Variants in PDE1A observed in about 807,000 individuals in gnomAD.
PDE1A encodes the protein phosphodiesterase 1A.
In PDE1A, 35 loss-of-function variants were observed where a neutral mutation model predicts 61.7. That is an observed-to-expected ratio of 0.57 (90% CI 0.43 to 0.75). The LOEUF (loss-of-function observed/expected upper bound fraction) is 0.75, where lower values mean the gene tolerates loss of function less well. PDE1A is among the 30% of genes least tolerant of loss of function. The pLI, the probability that PDE1A is intolerant of heterozygous loss-of-function variation, is 0.00. For synonymous variants in PDE1A, 232 were observed against 213.2 expected (o/e 1.09, Z -0.77); for missense variants, 597 against 630.6 (o/e 0.95, Z 0.57).
intron 3 of PDE1A, among the ~76,000 whole-genome samples, chr2:182,236,352 T>G (rs1372501421): frequency 6.6e-6 from 1 of 152,044 alleles, no homozygotes; most frequent in East Asian, 1.9e-4. Context: ...AGGTGTTTTT[T>G]TTTTTTGGAA....
chr2:182,559,243 G>A, the PDE1A span, among the ~76,000 whole-genome samples: 2 of 152,178 alleles, frequency 1.3e-5, no homozygotes, highest in African/African-American at 4.8e-5. Flanking sequence ...AGTAAAGGCT[G>A]CAGATCTGGA....
chr2:182,351,863 C>A (rs1698900136), intron 1 of PDE1A, among the ~76,000 whole-genome samples: 1 of 152,082 alleles, frequency 6.6e-6, no homozygotes, highest in Non-Finnish European at 1.5e-5. Flanking sequence ...AGTTCTAGAG[C>A]ATTATCTGGA....
the PDE1A span, among the ~76,000 whole-genome samples, chr2:182,600,560 A>G: frequency 1.3e-5 from 2 of 152,240 alleles, no homozygotes; most frequent in Admixed American, 1.3e-4. Flanking sequence ...TTTAGATGAC[A>G]AAGAAGAGTT....
At chr2:182,520,108 A>G (rs978680643) in intron 2 of PDE1A, among the ~76,000 whole-genome samples, 17 of 151,952 alleles carry the variant, frequency 1.1e-4, no homozygotes, top group African/African-American at 3.6e-4. Flanking sequence ...TGTTTGAATC[A>G]ATATTGCATT....
intron 13 of PDE1A, among the ~76,000 whole-genome samples, chr2:182,172,508 C>T (rs1433766843): frequency 6.6e-6 from 1 of 151,980 alleles, no homozygotes; most frequent in Non-Finnish European, 1.5e-5. Flanking sequence ...GATGCACACA[C>T]CCAAAGCAGA....
chr2:182,211,645 C>T (rs568760931), intron 7 of PDE1A, among the ~76,000 whole-genome samples: 7 of 152,150 alleles, frequency 4.6e-5, no homozygotes, highest in Non-Finnish European at 8.8e-5. Context: ...TATCTATGAA[C>T]ATGAAATATC....
the PDE1A span, among the ~76,000 whole-genome samples, chr2:182,635,934 C>T: frequency 6.8e-6 from 1 of 146,632 alleles, no homozygotes; most frequent in African/African-American, 2.5e-5. Context: ...AGCTTCTGCT[C>T]GATCTCACCG....
intron 1 of PDE1A, among the ~76,000 whole-genome samples, chr2:182,374,490 C>T (rs932875908): frequency 6.6e-6 from 1 of 152,112 alleles, no homozygotes; most frequent in African/African-American, 2.4e-5. Flanking sequence ...CACAATTAAA[C>T]TTCTGCTATT....
At chr2:182,383,202 C>T (rs759102941) in intron 1 of PDE1A, among the ~76,000 whole-genome samples, 4 of 152,146 alleles carry the variant, frequency 2.6e-5, no homozygotes, top group Non-Finnish European at 5.9e-5. Context: ...ATCCAATTTC[C>T]ACCCATACTT....
rs938550810 is a variant in PDE1A at position 182,401,909 on chromosome 2, G to T, written c.53+24669C>A. Among the ~76,000 whole-genome samples the T allele has an allele frequency of 2.0e-5, 3 of 152,130 alleles. No individual in the cohort carries two copies. In the South Asian group the frequency reaches 6.2e-4, roughly 31 times the overall value. ...ACAAACAGAGAGCCAAATCATGAGT[G>T]AACTGCCATTCACAATTACTACAAA... On this transcript the variant is annotated intron_variant, in intron 1 of 13. Coordinates refer to ENST00000351439, the Ensembl canonical transcript of PDE1A.
chr2:182,443,996 C>T (rs1684968845), intron 2 of PDE1A, among the ~76,000 whole-genome samples: 1 of 152,100 alleles, frequency 6.6e-6, no homozygotes, highest in Non-Finnish European at 1.5e-5. Flanking sequence ...AGCCACCGCG[C>T]CCGGCCAAAC....
intron 1 of PDE1A, among the ~76,000 whole-genome samples, chr2:182,399,042 A>G (rs1295223133): frequency 6.6e-6 from 1 of 152,000 alleles, no homozygotes; most frequent in African/African-American, 2.4e-5. Context: ...GATGACCGTC[A>G]AGGATGAAGT....
At chr2:182,562,267 G>A in the PDE1A span, among the ~76,000 whole-genome samples, 7 of 151,948 alleles carry the variant, frequency 4.6e-5, no homozygotes, top group Middle Eastern at 0.014. Context: ...AGCATGAAGG[G>A]TTGTTGAATT....
At chr2:182,576,756 C>T in the PDE1A span, among the ~76,000 whole-genome samples, 10 of 152,094 alleles carry the variant, frequency 6.6e-5, no homozygotes, top group African/African-American at 2.4e-4. Context: ...TTTATAGTAG[C>T]CATCCCAATT....
chr2:182,702,451 G>C, the PDE1A span, among the ~76,000 whole-genome samples: 1 of 152,154 alleles, frequency 6.6e-6, no homozygotes, highest in Non-Finnish European at 1.5e-5. Context: ...GCAGCGTGCT[G>C]CTTTTGGTGA....
the PDE1A span, among the ~76,000 whole-genome samples, chr2:182,705,513 T>TG: frequency 4.0e-5 from 6 of 151,150 alleles, no homozygotes; most frequent in East Asian, 1.9e-4. Context: ...TCTTTTTTTT[T>TG]TTTGTTTTGG....
At chr2:182,265,287 AAAG>A (rs755062776) in intron 1 of PDE1A, among the ~76,000 whole-genome samples, 14 of 152,160 alleles carry the variant, frequency 9.2e-5, no homozygotes, top group African/African-American at 2.2e-4. Context: ...AATAAAATTA[AAAG>A]AAGACTTCAT....
intron 1 of PDE1A, among the ~76,000 whole-genome samples, chr2:182,268,234 A>C (rs1196173252): frequency 6.6e-6 from 1 of 152,054 alleles, no homozygotes; most frequent in Non-Finnish European, 1.5e-5. Flanking sequence ...GTTTGGTAGC[A>C]AACCAAGTTA....
chr2:182,366,578 G>A (rs1699849667), intron 1 of PDE1A, among the ~76,000 whole-genome samples: 1 of 151,818 alleles, frequency 6.6e-6, no homozygotes. Flanking sequence ...AATTTTGAAA[G>A]TACTATGACT....
Sources: allele counts gnomAD v4.1 joint callset (sites outside exome capture counted in the v4.1 genomes callset), GRCh38; gene constraint gnomAD v4.1.1; transcripts MANE v1.5; gene names NCBI Gene and HGNC (gene_info 2026-07-23, HGNC 2026-07-21).